Variants in ADGRL2 observed in about 807,000 individuals in gnomAD.
ADGRL2 encodes the protein calcium-independent alpha-latrotoxin receptor 2.
Under a neutral mutation model 157.4 loss-of-function variants are expected in ADGRL2, and 44 were observed. That is an observed-to-expected ratio of 0.28 (90% CI 0.22 to 0.36). ADGRL2 has a LOEUF of 0.36. ADGRL2 is among the 10% of genes least tolerant of loss of function. ADGRL2 has a pLI of 1.00. For missense variants in ADGRL2, 1,510 were observed against 1,768.9 expected, an observed-to-expected ratio of 0.85 and a Z score of 2.63; for synonymous variants, 585 against 624.7, an observed-to-expected ratio of 0.94 and a Z score of 0.95.
At chr1:81,374,578 G>GAAAAAAAAAAAAACA (rs71242588) in intron 1 of ADGRL2, among the ~76,000 whole-genome samples, 2 of 130,256 alleles carry the variant, frequency 1.5e-5, no homozygotes, top group Admixed American at 1.6e-4. Flanking sequence ...TCTCAAAAAA[G>GAAAAAAAAAAAAACA]AAAAAAAAAA....
chr1:81,499,852 A>C lies in ADGRL2; in HGVS notation c.-248+54763A>C, dbSNP rs147762112. On this transcript the variant is annotated intron_variant, in intron 2 of 24. Coordinates refer to the ADGRL2 transcript ENST00000370721. The stretch of plus-strand genomic sequence containing the variant: ...TGACAGTAGGTATTGTTAATATAAC[A>C]AAACCAAGAGAATGATAGTGATACA... Among the ~76,000 whole-genome samples, 332 of 152,334 alleles carry C rather than the reference A, an allele frequency of 2.2e-3. 4 individuals are homozygous for C. The highest frequency in any genetic ancestry group is 0.017 in the Admixed American group (256 of 15,298).
chr1:81,524,433 A>G (rs2079403089), intron 2 of ADGRL2, among the ~76,000 whole-genome samples: 2 of 152,218 alleles, frequency 1.3e-5, no homozygotes, highest in South Asian at 4.1e-4. Context: ...GCTTCTAGGA[A>G]TTAATTTGAG....
chr1:81,639,518 A>G (rs1289154211), intron 3 of ADGRL2, among the ~76,000 whole-genome samples: 1 of 127,086 alleles, frequency 7.9e-6, no homozygotes, highest in Non-Finnish European at 1.6e-5. Context: ...AGTATGGCCA[A>G]TGTAGTGAGA....
At chr1:81,894,913 G>T (rs74961718) in intron 2 of ADGRL2, among the ~76,000 whole-genome samples, 1 of 151,920 alleles carries the variant, frequency 6.6e-6, no homozygotes, top group African/African-American at 2.4e-5. Context: ...GCCTTAAGTG[G>T]GTAAAAGGTT....
intron 2 of ADGRL2, among the ~76,000 whole-genome samples, chr1:81,770,073 T>C (rs2149341998): frequency 6.6e-6 from 1 of 151,708 alleles, no homozygotes; most frequent in Admixed American, 6.6e-5. Flanking sequence ...CAGGCTGGTC[T>C]TGAACTCCTG....
At chr1:81,673,797 G>T (rs548930113) in intron 3 of ADGRL2, among the ~76,000 whole-genome samples, 2 of 152,154 alleles carry the variant, frequency 1.3e-5, no homozygotes, top group Non-Finnish European at 2.9e-5. Context: ...GATTACAGGC[G>T]TGAGCCACTG....
upstream of ADGRL2, among the ~76,000 whole-genome samples, chr1:81,695,035 CT>C (rs1339609633): frequency 6.6e-6 from 1 of 151,972 alleles, no homozygotes; most frequent in African/African-American, 2.4e-5. Flanking sequence ...CAACATTCTT[CT>C]GGAAAAGTCT....
At chr1:81,569,728 T>A (rs577531345) in intron 2 of ADGRL2, among the ~76,000 whole-genome samples, 1 of 152,138 alleles carries the variant, frequency 6.6e-6, no homozygotes, top group Non-Finnish European at 1.5e-5. Context: ...GAGGATTGCT[T>A]AAGTCTGTGA....
intron 3 of ADGRL2, among the ~76,000 whole-genome samples, chr1:81,644,258 A>G (rs2082273951): frequency 1.3e-5 from 2 of 152,348 alleles, no homozygotes; most frequent in Admixed American, 1.3e-4. Flanking sequence ...CCACAAAAGT[A>G]TAAAACTCCT....
At chr1:81,634,735 T>C (rs79027412) in intron 3 of ADGRL2, among the ~76,000 whole-genome samples, 2 of 151,960 alleles carry the variant, frequency 1.3e-5, no homozygotes, top group African/African-American at 2.4e-5. Flanking sequence ...GTTGGCAGGC[T>C]GGCCTCCAAC....
At chr1:81,910,550 T>C (rs779034630) in intron 3 of ADGRL2, among the ~76,000 whole-genome samples, 6 of 151,440 alleles carry the variant, frequency 4.0e-5, no homozygotes, top group Non-Finnish European at 8.8e-5. Flanking sequence ...TTCCCACATA[T>C]AAGTATAATA....
chr1:81,968,066 A>G lies in ADGRL2; in HGVS notation c.2390A>G (p.Tyr797Cys), dbSNP rs1170613954. ...AATGCAAACTGCTCCTTCTGGAACT[A>G]CTCAGAGAGAACTATGATGGGATAT... ...YFNANCSFWN[Y>C]SERTMMGYWS... is the part of the protein sequence containing the mutation. The change falls in exon 14 of 24, where the codon TAC (tyrosine) becomes TGC (cysteine). Residue 797 changes from tyrosine to cysteine, a missense_variant. Around this residue, in one of 4 missense-constraint regions of ADGRL2, gnomAD observed 497 missense variants for 627.2 expected, o/e 0.79. Transcript: ENST00000686636. The G allele has an allele frequency of 6.2e-7, 1 of 1,613,832 alleles. No individual in the cohort carries two copies. Among genetic ancestry groups the G allele is most frequent in the East Asian group, 2.2e-5 (1 of 44,880 alleles).
At chr1:81,315,649 G>A (rs981729923) in intron 1 of ADGRL2, among the ~76,000 whole-genome samples, 4 of 151,976 alleles carry the variant, frequency 2.6e-5, no homozygotes, top group African/African-American at 7.2e-5. Context: ...CTTCTCTTAC[G>A]TCACTATTTT....
chr1:81,836,491 C>T lies in ADGRL2; in HGVS notation c.-100-394C>T, dbSNP rs75478591. 6.6e-3 allele frequency among the ~76,000 whole-genome samples: 1,004 copies of T among 152,074 alleles called. 11 individuals carry two copies. The highest frequency in any genetic ancestry group is 0.023 in the African/African-American group (949 of 41,492). On this transcript the variant is annotated intron_variant, in intron 1 of 23. Coordinates refer to ENST00000686636, the MANE Select transcript of ADGRL2 (RefSeq NM_001366006.2). Reference sequence around the variant, plus strand: ...CCTGGTCTCATGTGATCCTAGAAGCCGAGAAATACTAAGTCATACTCCTGA... The same window carrying T: ...CCTGGTCTCATGTGATCCTAGAAGCTGAGAAATACTAAGTCATACTCCTGA...
At chr1:81,574,744 C>G (rs531283658) in intron 2 of ADGRL2, among the ~76,000 whole-genome samples, 24 of 152,242 alleles carry the variant, frequency 1.6e-4, no homozygotes, top group East Asian at 1.5e-3. Context: ...GCAGCAGTAC[C>G]TTGAATAGTA....
At chr1:81,501,935 C>A (rs571992367) in intron 2 of ADGRL2, 1 of 1,613,922 alleles carries the variant, frequency 6.2e-7, no homozygotes, top group Admixed American at 1.7e-5. Context: ...GCAGCCGACT[C>A]TCTTTTCCGC....
chr1:81,687,117 G>A (rs2083244754), intron 3 of ADGRL2, among the ~76,000 whole-genome samples: 1 of 152,158 alleles, frequency 6.6e-6, no homozygotes, highest in Admixed American at 6.5e-5. Flanking sequence ...TTCTGTTGTT[G>A]TTGGATGAAA....
chr1:81,866,207 CACTG>C (rs1461908986), intron 2 of ADGRL2, among the ~76,000 whole-genome samples: 3 of 152,098 alleles, frequency 2.0e-5, no homozygotes, highest in Admixed American at 1.3e-4. Flanking sequence ...CTTGTCATAT[CACTG>C]ACTTTTTCGC....
At chr1:81,536,593 A>C (rs970199989) in intron 2 of ADGRL2, among the ~76,000 whole-genome samples, 2 of 152,190 alleles carry the variant, frequency 1.3e-5, no homozygotes, top group Non-Finnish European at 2.9e-5. Context: ...CTCGGTTTCC[A>C]TGATCTGATC....
Sources: gnomAD v4.1 joint callset for allele counts (sites outside exome capture counted in the v4.1 genomes callset) on GRCh38, gnomAD v4.1.1 for gene constraint, gnomAD v4.1.1 regional missense constraint, MANE v1.5 for transcripts, NCBI Gene and HGNC (gene_info 2026-07-23, HGNC 2026-07-21) for gene names.